The following LRRK1 variants were observed in gnomAD, a reference collection of about 807,000 sequenced individuals.
The protein encoded by LRRK1 is leucine rich repeat kinase 1.
LRRK1 carries 113 observed loss-of-function variants against 209.1 expected under a neutral mutation model. The observed-to-expected ratio is 0.54, with a 90% CI of 0.46 to 0.63. The LOEUF (loss-of-function observed/expected upper bound fraction) is 0.63, where lower values mean the gene tolerates loss of function less well. Ranked by LOEUF, LRRK1 falls within the 30% of genes least tolerant of loss-of-function variation. The probability of loss-of-function intolerance (pLI) is 0.00; values close to 1 mark genes in which losing one functional copy is unlikely to be tolerated. For synonymous variants in LRRK1, 1,144 were observed against 1,099.7 expected (o/e 1.04, Z -0.80); for missense variants, 2,284 against 2,632.2 (o/e 0.87, Z 2.89).
intron 10 of LRRK1, among the ~76,000 whole-genome samples, chr15:101,013,914 A>G (rs2033406887): frequency 6.6e-6 from 1 of 152,144 alleles, no homozygotes; most frequent in Non-Finnish European, 1.5e-5. Context: ...GGCAGACACC[A>G]GCACTGTACT....
intron 2 of LRRK1, among the ~76,000 whole-genome samples, chr15:100,972,190 T>G (rs575406011): frequency 5.4e-4 from 82 of 152,212 alleles, no homozygotes; most frequent in Middle Eastern, 6.8e-3. Context: ...CTCGAACTCC[T>G]GACCTCAAGT....
At chr15:101,042,545 T>C (rs1229702645) in intron 20 of LRRK1, among the ~76,000 whole-genome samples, 3 of 151,880 alleles carry the variant, frequency 2.0e-5, no homozygotes, top group Admixed American at 6.6e-5. Flanking sequence ...TTTACTGCCC[T>C]TACACTCCCC....
intron 13 of LRRK1, 93 bp downstream of exon 13, chr15:101,021,275 C>A: frequency 2.9e-6 from 4 of 1,368,742 alleles, no homozygotes; most frequent in Non-Finnish European, 4.0e-6. Flanking sequence ...GAAAGCCAGG[C>A]AGAAAGAAGC....
chr15:101,007,702 GCTGGGCATC>G (rs2033028168), intron 6 of LRRK1, among the ~76,000 whole-genome samples: 1 of 152,178 alleles, frequency 6.6e-6, no homozygotes, highest in African/African-American at 2.4e-5. Flanking sequence ...CTCGCTGCAG[GCTGGGCATC>G]CTATGGGATT....
At chr15:101,029,768 T>C (rs1407335712) in intron 20 of LRRK1, among the ~76,000 whole-genome samples, 1 of 152,130 alleles carries the variant, frequency 6.6e-6, no homozygotes, top group Non-Finnish European at 1.5e-5. Context: ...CTTGGGAGAC[T>C]GAAGCAGGAG....
At chr15:100,953,435 A>T (rs1250027310) in intron 2 of LRRK1, among the ~76,000 whole-genome samples, 2 of 152,020 alleles carry the variant, frequency 1.3e-5, no homozygotes, top group African/African-American at 2.4e-5. Context: ...AGGTTCACCC[A>T]TGTTGCAAAT....
intron 30 of LRRK1, 149 bp downstream of exon 30, chr15:101,061,437 A>C (rs766877040): frequency 4.9e-6 from 3 of 610,228 alleles, no homozygotes; most frequent in Non-Finnish European, 8.7e-6. Flanking sequence ...GTCCCCAAGT[A>C]ATGCCAGGAG....
At position 101,043,503 on chromosome 15, in the gene LRRK1, T is replaced by A. The variant is rs142823546; in HGVS notation, c.2964-2478T>A. Among the ~76,000 whole-genome samples the A allele has an allele frequency of 4.0e-3, 611 of 152,302 alleles. 7 individuals carry two copies. The highest frequency in any genetic ancestry group is 0.014 in the African/African-American group (584 of 41,556). Reference sequence around the variant, plus strand: ...GCCGGATCTGACAACTTTCAGATTGTTTTATCGCAGGTTAGAGGAGTGAGG... The same window carrying A: ...GCCGGATCTGACAACTTTCAGATTGATTTATCGCAGGTTAGAGGAGTGAGG... On this transcript the variant is annotated intron_variant, in intron 20 of 33. Coordinates refer to ENST00000388948, the MANE Select transcript of LRRK1 (RefSeq NM_024652.6).
chr15:100,971,071 C>G (rs1449657740), intron 2 of LRRK1, among the ~76,000 whole-genome samples: 1 of 152,078 alleles, frequency 6.6e-6, no homozygotes, highest in Non-Finnish European at 1.5e-5. Context: ...CAGCGGCTCA[C>G]GCCTGTAATC....
chr15:101,030,653 C>A (rs141902383), intron 20 of LRRK1, among the ~76,000 whole-genome samples: 40 of 152,308 alleles, frequency 2.6e-4, no homozygotes, highest in African/African-American at 9.4e-4. Context: ...ACCCACTCCT[C>A]ACCCCACCTG....
In LRRK1 at chr15:101,022,725, G is replaced by C; in HGVS notation, c.2067+128G>C. 1.5e-6 allele frequency: 1 copy of C among 648,002 alleles called. No individual in the cohort carries two copies. The highest frequency in any genetic ancestry group is 2.7e-5 in the East Asian group (1 of 36,534). The allele number at this position is 648,002 out of a possible 1,614,324, so 40.1% of individuals were successfully genotyped here. A position where few individuals can be genotyped will look rare whatever the true frequency, so the allele number is the denominator to read the frequency against. On this transcript the variant is annotated intron_variant, in intron 15 of 33. Transcript: ENST00000388948. The surrounding 1 kb of genome is among the most constrained non-coding windows in gnomAD (Gnocchi z 4.0). The stretch of plus-strand genomic sequence containing the variant: ...TCCAAAGCTCAGGCCCTTTGCAGGA[G>C]CCACTGTGTACCATTCCATACCAGC...
At position 101,022,001 on chromosome 15, in the gene LRRK1, A is replaced by G; in HGVS notation, c.1852+44A>G. 1 of 1,349,900 alleles carries G rather than the reference A, an allele frequency of 7.4e-7. No homozygotes were observed. The allele number at this position is 1,349,900 out of a possible 1,614,324, so 83.6% of individuals were successfully genotyped here. ...TGTCCCCTGCCATCACCTCTTGGAA[A>G]GACAACTCCAGTCCACTTGTTAAGT... On this transcript the variant is annotated intron_variant, in intron 14 of 33. Coordinates refer to ENST00000388948, the MANE Select transcript of LRRK1 (RefSeq NM_024652.6). The surrounding 1 kb of genome is among the most constrained non-coding windows in gnomAD (Gnocchi z 4.0).
At chr15:100,968,780 C>A (rs1321793656) in intron 2 of LRRK1, among the ~76,000 whole-genome samples, 2 of 146,016 alleles carry the variant, frequency 1.4e-5, no homozygotes, top group African/African-American at 5.1e-5. Flanking sequence ...CCCTTTCCTT[C>A]CCCTTTCCTT....
chr15:101,063,810 T>TAA (rs3835122), intron 31 of LRRK1, among the ~76,000 whole-genome samples: 2 of 146,712 alleles, frequency 1.4e-5, no homozygotes. Context: ...CAGTTTCATT[T>TAA]AAAAAAAAAA....
intron 20 of LRRK1, among the ~76,000 whole-genome samples, chr15:101,031,936 A>G (rs959374372): frequency 1.2e-4 from 18 of 152,114 alleles, no homozygotes; most frequent in Non-Finnish European, 2.1e-4. Flanking sequence ...GGGTTTCACC[A>G]TGTTATCCAG....
chr15:100,994,586 G>A (rs1215214576), intron 6 of LRRK1, among the ~76,000 whole-genome samples: 4 of 152,208 alleles, frequency 2.6e-5, no homozygotes, highest in African/African-American at 9.7e-5. Flanking sequence ...AGCGATTACT[G>A]CATTTTGTGA....
intron 2 of LRRK1, among the ~76,000 whole-genome samples, chr15:100,959,591 G>A (rs565792479): frequency 4.2e-4 from 64 of 152,338 alleles, no homozygotes; most frequent in African/African-American, 1.4e-3. Context: ...TGAGAGTGCA[G>A]TCTGGCAGCC....
In LRRK1 at chr15:101,056,925, C is replaced by G; in HGVS notation, c.4402C>G (p.His1468Asp). ...AGGACAGCGCCCTGCACTGGGCCAC[C>G]ACCAGCTCCAGATTGCCAAGAAGCT... ...LSGQRPALGH[H>D]QLQIAKKLSK... Residue 1468 changes from histidine (H) to aspartate (D), a missense_variant, in exon 28 of 34, where the codon CAC becomes GAC. This residue lies in a region of LRRK1 where 59 missense variants were observed against 103.8 expected (regional missense o/e 0.57). Coordinates refer to ENST00000388948, the MANE Select transcript of LRRK1 (RefSeq NM_024652.6). 6.2e-7 allele frequency: 1 copy of G among 1,614,164 alleles called. No homozygotes were observed. The highest frequency in any genetic ancestry group is 8.5e-7 in the Non-Finnish European group (1 of 1,180,008).
At chr15:100,926,938 G>A (rs1431182744) in intron 2 of LRRK1, among the ~76,000 whole-genome samples, 1 of 152,124 alleles carries the variant, frequency 6.6e-6, no homozygotes, top group Non-Finnish European at 1.5e-5. Context: ...ACCCACCTCA[G>A]CCTCCCAAAG....
Sources: allele counts gnomAD v4.1 joint callset (sites outside exome capture counted in the v4.1 genomes callset), GRCh38; gene constraint gnomAD v4.1.1; regional missense constraint gnomAD v4.1.1; non-coding constraint Gnocchi (gnomAD v3.1); transcripts MANE v1.5; gene names NCBI Gene and HGNC (gene_info 2026-07-23, HGNC 2026-07-21).